Variants in EBLN1 observed in about 807,000 individuals in gnomAD.
The protein encoded by EBLN1 is endogenous Bornavirus-like nucleoprotein 1.
Under a neutral mutation model 0.8 loss-of-function variants are expected in EBLN1, and 1 was observed. That is an observed-to-expected ratio of 1.32 (90% CI 0.47 to 6.26). EBLN1 has a LOEUF of 6.26. Ranked by LOEUF, EBLN1 falls within the 30% of genes most tolerant of loss-of-function variation. The probability of loss-of-function intolerance (pLI) is 0.15; values close to 1 mark genes in which losing one functional copy is unlikely to be tolerated. For synonymous variants in EBLN1, 158 were observed against 158.5 expected, an observed-to-expected ratio of 1.00 and a Z score of 0.02; for missense variants, 396 against 447.9, an observed-to-expected ratio of 0.88 and a Z score of 1.05.
At chr10:22,215,847 T>C (rs1351226900) in intron 1 of EBLN1, among the ~76,000 whole-genome samples, 1 of 152,192 alleles carries the variant, frequency 6.6e-6, no homozygotes, top group Non-Finnish European at 1.5e-5. Flanking sequence ...CTGTGGTATA[T>C]GTACTGGATG....
Position 22,212,960 on chromosome 10 carries a change from C to A in EBLN1, c.-163G>T, listed in dbSNP as rs1481350420. On this transcript the variant is annotated 5_prime_UTR_variant, in exon 2 of 3. In the 5' UTR this introduces an upstream ATG that the reference lacks. Coordinates refer to ENST00000422359, the MANE Select transcript of EBLN1 (RefSeq NM_001394757.1). Reference sequence around the variant, plus strand: ...CCAGCCTGGCCAACAGAGTGAGATCCTGTCTCTAAAAGAAAAAAAAAAAAA... The same window carrying A: ...CCAGCCTGGCCAACAGAGTGAGATCATGTCTCTAAAAGAAAAAAAAAAAAA... 6.8e-6 allele frequency among the ~76,000 whole-genome samples: 1 copy of A among 148,060 alleles called. No homozygotes were observed. Among genetic ancestry groups the A allele is most frequent in the Admixed American group, 6.7e-5 (1 of 14,962 alleles).
chr10:22,213,397 A>G (rs11591494), intron 1 of EBLN1, among the ~76,000 whole-genome samples: 1 of 152,214 alleles, frequency 6.6e-6, no homozygotes, highest in South Asian at 2.1e-4. Flanking sequence ...AATATATTAC[A>G]AATATATAAT....
chr10:22,216,429 A>G (rs1256400012), intron 1 of EBLN1, among the ~76,000 whole-genome samples: 1 of 152,212 alleles, frequency 6.6e-6, no homozygotes, highest in Non-Finnish European at 1.5e-5. Flanking sequence ...TAAAGATAAT[A>G]TATAACCTAC....
Position 22,209,223 on chromosome 10 carries a change from A to G in EBLN1, c.761T>C (p.Leu254Ser). 1 of 1,546,726 alleles carries G rather than the reference A, an allele frequency of 6.5e-7. No homozygotes were observed. The highest frequency in any genetic ancestry group is 8.7e-7 in the Non-Finnish European group (1 of 1,153,030). The change falls in exon 3 of 3, where the codon TTA (leucine) becomes TCA (serine). Residue 254 changes from leucine (L) to serine (S), a missense_variant. Coordinates refer to ENST00000422359, the MANE Select transcript of EBLN1 (RefSeq NM_001394757.1). Reference sequence around the variant, plus strand: ...TGGAATCTCCAACACAACAGCGGGTAAAGCAGTGGAACCATCCACACACTG... The same window carrying G: ...TGGAATCTCCAACACAACAGCGGGTGAAGCAGTGGAACCATCCACACACTG... ...LDQCVDGSTALPAVVLEIPVF... is the reference protein window; with the variant it reads ...LDQCVDGSTASPAVVLEIPVF...
At chr10:22,213,287 T>C (rs983554628) in intron 1 of EBLN1, among the ~76,000 whole-genome samples, 1 of 152,208 alleles carries the variant, frequency 6.6e-6, no homozygotes, top group Non-Finnish European at 1.5e-5. Context: ...TTTGATTATT[T>C]GTATAGAAAT....
chr10:22,212,266 C>A (rs755816402), intron 2 of EBLN1, among the ~76,000 whole-genome samples: 6 of 151,996 alleles, frequency 3.9e-5, no homozygotes, highest in Non-Finnish European at 7.4e-5. Context: ...TTCTGTTGTC[C>A]TACAATCTCT....
In EBLN1 at chr10:22,209,470, T is replaced by C; in HGVS notation, c.514A>G (p.Ile172Val). The C allele has an allele frequency of 6.3e-7, 1 of 1,597,294 alleles. No individual in the cohort carries two copies. Among genetic ancestry groups the C allele is most frequent in the Non-Finnish European group, 8.5e-7 (1 of 1,179,136 alleles). ...QRQFKAMMIS[I>V]GRPLHSESAD... ...CTTTCACTATGCAAAGGTCTTCCAA[T>C]GGATATCATCATTGCCTTGAATTGT... The change falls in exon 3 of 3, where the codon ATT becomes GTT. Residue 172 changes from isoleucine to valine, a missense_variant. Transcript: ENST00000422359.
chr10:22,209,998 T>TCTGTGATTTTCA lies in EBLN1; in HGVS notation c.-27_-16dup. Reference sequence around the variant, plus strand: ...GGGCGGGACATTGTGGGTGATTGTTTCTGTGATTTTCACACAATTTTGTAC... The same window carrying TCTGTGATTTTCA: ...GGGCGGGACATTGTGGGTGATTGTTTCTGTGATTTTCACTGTGATTTTCACACAATTTTGTAC... On this transcript the variant is annotated 5_prime_UTR_variant, in exon 3 of 3. Transcript: ENST00000422359. 1 of 1,390,098 alleles carries TCTGTGATTTTCA rather than the reference T, an allele frequency of 7.2e-7. No individual in the cohort carries two copies. The highest frequency in any genetic ancestry group is 9.3e-7 in the Non-Finnish European group (1 of 1,075,006). The allele number at this position is 1,390,098 out of a possible 1,614,324, so 86.1% of individuals were successfully genotyped here.
rs746665379 is a variant in EBLN1, at chr10:22,209,381, C to T, written c.603G>A (p.Trp201Ter). Residue 201 changes from tryptophan to a stop codon, truncating the protein, a stop_gained, in exon 3 of 3, where the codon TGG becomes TGA. Transcript: ENST00000422359. LOFTEE classifies it low-confidence loss of function (END_TRUNC). ...GAAATGTGAACATTAATCCTCCAAC[C>T]CATGGTCTTGAGTTGATCCAATCTA... ...PAIDWINSRP[W>*]VGGLMFTFLF... 1 of 1,605,344 alleles carries T rather than the reference C, an allele frequency of 6.2e-7. No homozygotes were observed.
At chr10:22,213,418 A>T (rs929335859) in intron 1 of EBLN1, among the ~76,000 whole-genome samples, 1 of 152,214 alleles carries the variant, frequency 6.6e-6, no homozygotes, top group Non-Finnish European at 1.5e-5. Context: ...AACAAGATCA[A>T]CAAAGACATA....
At chr10:22,216,317 A>G (rs577305506) in intron 1 of EBLN1, among the ~76,000 whole-genome samples, 2 of 152,154 alleles carry the variant, frequency 1.3e-5, no homozygotes, top group Non-Finnish European at 2.9e-5. Context: ...CAATCCATAT[A>G]TGTGATGTAT....
In EBLN1 at chr10:22,212,857, C is replaced by T. The variant is rs1299185688; in HGVS notation, c.-60G>A. ...TGGCACGTACCTGCAGTCCTAGCTACTTTGGAGGCTGAGGTAGGAGGATTG... is the reference window on the plus strand; with the variant it reads ...TGGCACGTACCTGCAGTCCTAGCTATTTTGGAGGCTGAGGTAGGAGGATTG... On this transcript the variant is annotated 5_prime_UTR_variant, in exon 2 of 3. Transcript: ENST00000422359. Among the ~76,000 whole-genome samples, 2 of 149,600 alleles carry T rather than the reference C, an allele frequency of 1.3e-5. No homozygotes were observed. Among genetic ancestry groups the T allele is most frequent in the African/African-American group, 4.9e-5 (2 of 40,448 alleles).
At chr10:22,214,005 A>G (rs184869800) in intron 1 of EBLN1, among the ~76,000 whole-genome samples, 3 of 152,312 alleles carry the variant, frequency 2.0e-5, no homozygotes, top group Admixed American at 2.0e-4. Flanking sequence ...TGACCAAAAC[A>G]GACATCAGAA....
intron 1 of EBLN1, among the ~76,000 whole-genome samples, chr10:22,217,268 G>C (rs933588956): frequency 1.3e-5 from 2 of 152,168 alleles, no homozygotes; most frequent in African/African-American, 4.8e-5. Context: ...TGAGATTATA[G>C]GTGCGTGCCA....
At chr10:22,217,466 CAA>C (rs1194699037) in intron 1 of EBLN1, among the ~76,000 whole-genome samples, 1 of 152,100 alleles carries the variant, frequency 6.6e-6, no homozygotes, top group Non-Finnish European at 1.5e-5. Flanking sequence ...TAAAGAAAGA[CAA>C]AGAGGAAAAA....
intron 1 of EBLN1, among the ~76,000 whole-genome samples, chr10:22,217,524 A>G (rs1834802252): frequency 6.6e-6 from 1 of 152,228 alleles, no homozygotes; most frequent in Non-Finnish European, 1.5e-5. Flanking sequence ...CATACATTTC[A>G]TTACACACCA....
chr10:22,209,934 G>A lies in EBLN1; in HGVS notation c.50C>T (p.Thr17Ile), dbSNP rs527717911. The change falls in exon 3 of 3, where the codon ACA becomes ATA. Residue 17 changes from threonine to isoleucine, a missense_variant. Physicochemically the swap from Thr to Ile is moderately conservative, Grantham distance 89. Coordinates refer to ENST00000422359, the MANE Select transcript of EBLN1 (RefSeq NM_001394757.1). ...NPQTSSPQDSTKDGSSFHYFQ... is the reference protein window; with the variant it reads ...NPQTSSPQDSIKDGSSFHYFQ... ...GTAATGGAAGCTGCTCCCATCCTTT[G>A]TACTGTCTTGTGGGCTGCTGGTCTG... 1.4e-6 allele frequency: 2 copies of A among 1,455,956 alleles called. No homozygotes were observed. Among genetic ancestry groups the A allele is most frequent in the East Asian group, 2.5e-5 (1 of 40,394 alleles). 90.2% of individuals were successfully genotyped at this position (1,455,956 alleles called of 1,614,324 possible). A position where few individuals can be genotyped will look rare whatever the true frequency, so the allele number is the denominator to read the frequency against.
Position 22,208,912 on chromosome 10 carries a change from G to A in EBLN1, c.1072C>T (p.Arg358Cys), listed in dbSNP as rs964076704. 2.7e-5 allele frequency: 42 copies of A among 1,532,056 alleles called. No homozygotes were observed. In the African/African-American group the frequency reaches 4.5e-4, roughly 16 times the overall value. 94.9% of individuals were successfully genotyped at this position (1,532,056 alleles called of 1,614,324 possible). Residue 358 changes from arginine (R) to cysteine (C), a missense_variant, in exon 3 of 3, where the codon CGC becomes TGC. Arg to Cys is a radical substitution (Grantham distance 180, BLOSUM62 -3). Coordinates refer to ENST00000422359, the MANE Select transcript of EBLN1 (RefSeq NM_001394757.1). ...DMDPYTLNIL[R>C]GYGISGFE ...TCAAATCCCGAAATCCCATAACCGC[G>A]AAGGATGTTAAGTGTATATGGATCC...
intron 2 of EBLN1, among the ~76,000 whole-genome samples, chr10:22,211,090 G>C (rs1418964694): frequency 6.6e-6 from 1 of 152,138 alleles, no homozygotes; most frequent in East Asian, 1.9e-4. Flanking sequence ...CCATGCAAAA[G>C]TTCTCCAATG....
Sources: allele counts gnomAD v4.1 joint callset (sites outside exome capture counted in the v4.1 genomes callset), GRCh38; gene constraint gnomAD v4.1.1; transcripts MANE v1.5; gene names NCBI Gene and HGNC (gene_info 2026-07-23, HGNC 2026-07-21).